Variants in RANGAP1 observed in about 807,000 individuals in gnomAD.
The protein encoded by RANGAP1 is ran GTPase-activating protein 1.
A neutral mutation model predicts 63.5 loss-of-function variants in RANGAP1; 38 were observed. The observed-to-expected ratio is 0.60, with a 90% CI of 0.46 to 0.78. The LOEUF is 0.78. Among genes scored for constraint, RANGAP1 ranks in the 30% least tolerant of loss-of-function variants. The pLI, the probability that RANGAP1 is intolerant of heterozygous loss-of-function variation, is 0.00. For missense variants in RANGAP1, 630 were observed against 740.3 expected (o/e 0.85, Z 1.73); for synonymous variants, 329 against 310.5 (o/e 1.06, Z -0.63).
At chr22:41,273,156 T>C (rs1202287893) in intron 3 of RANGAP1, among the ~76,000 whole-genome samples, 1 of 152,060 alleles carries the variant, frequency 6.6e-6, no homozygotes, top group Non-Finnish European at 1.5e-5. Flanking sequence ...AAATGGAGAC[T>C]CAACCCAGTC....
the RANGAP1 span, among the ~76,000 whole-genome samples, chr22:41,298,002 C>T: frequency 6.6e-6 from 1 of 151,972 alleles, no homozygotes; most frequent in African/African-American, 2.4e-5. Flanking sequence ...GGATCACAGG[C>T]GCCCGTGACC....
Position 41,261,588 on chromosome 22 carries a change from G to A in RANGAP1, c.481-8C>T. 6.2e-7 allele frequency: 1 copy of A among 1,614,174 alleles called. No homozygotes were observed. The highest frequency in any genetic ancestry group is 8.5e-7 in the Non-Finnish European group (1 of 1,180,040). On this transcript the variant is annotated splice_polypyrimidine_tract_variant and splice_region_variant and intron_variant, in intron 5 of 15. Transcript: ENST00000356244. ...CAGAGCTGCAGCCAGGATCTGTGGG[G>A]AAAGGCAAGGGGCCCTGGTCATGGG...
At chr22:41,266,149 CCGAGATCGTGCCACTGCA>C (rs931745383) in intron 4 of RANGAP1, among the ~76,000 whole-genome samples, 7 of 151,182 alleles carry the variant, frequency 4.6e-5, no homozygotes, top group African/African-American at 1.7e-4. Flanking sequence ...TTGCAGTGAG[CCGAGATCGTGCCACTGCA>C]CTCCAGCCTG....
chr22:41,290,146 A>G (rs2035820916), upstream of RANGAP1, among the ~76,000 whole-genome samples: 1 of 146,068 alleles, frequency 6.8e-6, no homozygotes, highest in Non-Finnish European at 1.5e-5. Flanking sequence ...CCTGTCTCAA[A>G]GAAAAAAAAA....
At chr22:41,286,850 C>G (rs1322305108), upstream of RANGAP1, among the ~76,000 whole-genome samples, 2 of 152,146 alleles carry the variant, frequency 1.3e-5, no homozygotes. Flanking sequence ...TAATGCATGA[C>G]CTTAGTCTAA....
chr22:41,285,395 TA>T (rs2035701608), intron 1 of RANGAP1: 15 of 651,402 alleles, frequency 2.3e-5, no homozygotes, highest in Non-Finnish European at 2.9e-5. Flanking sequence ...CACAGAAACG[TA>T]AATTGATTTG....
the RANGAP1 span, chr22:41,301,881 G>A: frequency 6.6e-6 from 1 of 151,970 alleles, no homozygotes; most frequent in East Asian, 2.0e-4. Flanking sequence ...CAGGGCTGGG[G>A]AAGAGGCGAA....
intron 12 of RANGAP1, 93 bp downstream of exon 12, chr22:41,252,779 G>A (rs565410025): frequency 8.1e-5 from 110 of 1,351,046 alleles, no homozygotes; most frequent in African/African-American, 5.3e-4. Flanking sequence ...TGACAGCGTC[G>A]CACCCCCAGG....
chr22:41,263,888 C>T (rs886110165), intron 5 of RANGAP1, among the ~76,000 whole-genome samples: 2 of 152,268 alleles, frequency 1.3e-5, no homozygotes, highest in Non-Finnish European at 2.9e-5. Context: ...ATGTGATCCA[C>T]TCCACCCCAT....
chr22:41,258,003 A>G lies in RANGAP1; in HGVS notation c.719T>C (p.Val240Ala). The G allele has an allele frequency of 6.2e-7, 1 of 1,612,972 alleles. No individual in the cohort carries two copies. The highest frequency in any genetic ancestry group is 1.7e-5 in the Admixed American group (1 of 59,908). ...GAAGGTGTTGTCATTCAGGTTGATG[A>G]CCCGCAGCAGGGGGTTGACAGCGAA... ...QAFAVNPLLR[V>A]INLNDNTFTE... The change falls in exon 7 of 16, where the codon GTC (valine) becomes GCC (alanine). Residue 240 changes from valine (V) to alanine (A), a missense_variant. Coordinates refer to ENST00000356244, the MANE Select transcript of RANGAP1 (RefSeq NM_002883.4).
chr22:41,287,383 T>TG (rs67630029), upstream of RANGAP1, among the ~76,000 whole-genome samples: 50,040 of 139,084 alleles, frequency 0.36, 7,650 homozygotes, highest in Middle Eastern at 0.41. Flanking sequence ...TTTTTTTTTG[T>TG]TTTTTTTTTT....
chr22:41,296,894 G>A, the RANGAP1 span, among the ~76,000 whole-genome samples: 1 of 152,082 alleles, frequency 6.6e-6, no homozygotes, highest in Admixed American at 6.6e-5. Context: ...GATGGTTCAG[G>A]TCAAATCCAA....
intron 3 of RANGAP1, among the ~76,000 whole-genome samples, chr22:41,269,837 T>C (rs1238787844): frequency 1.3e-5 from 2 of 152,046 alleles, no homozygotes; most frequent in African/African-American, 4.8e-5. Context: ...CCTTATTTAA[T>C]TTATTTATTT....
intron 6 of RANGAP1, among the ~76,000 whole-genome samples, chr22:41,259,774 G>T (rs1037157698): frequency 6.6e-6 from 1 of 152,196 alleles, no homozygotes. Context: ...AGGCCAAGGC[G>T]AGTGGATTAC....
chr22:41,247,737 C>T (rs532506852), intron 15 of RANGAP1, among the ~76,000 whole-genome samples: 5 of 152,344 alleles, frequency 3.3e-5, no homozygotes, highest in South Asian at 2.1e-4. Context: ...AAGTGCGGGA[C>T]GCAGCCAGGA....
chr22:41,265,712 G>A (rs1249399381), intron 4 of RANGAP1, among the ~76,000 whole-genome samples: 1 of 152,174 alleles, frequency 6.6e-6, no homozygotes, highest in African/African-American at 2.4e-5. Context: ...AGGAGAAATG[G>A]TCAGAGAGGA....
At position 41,277,238 on chromosome 22, in the gene RANGAP1, C is replaced by T. The variant is rs969315603; in HGVS notation, c.113-2511G>A. On this transcript the variant is annotated intron_variant, in intron 2 of 15. Coordinates refer to ENST00000356244, the MANE Select transcript of RANGAP1 (RefSeq NM_002883.4). ...GACTACAGGCGCCCGCCACTACGCCCGGCTAATTTTTTGTAGTTTTTAGTA... is the reference window on the plus strand; with the variant it reads ...GACTACAGGCGCCCGCCACTACGCCTGGCTAATTTTTTGTAGTTTTTAGTA... Among the ~76,000 whole-genome samples the T allele has an allele frequency of 2.6e-5, 4 of 151,500 alleles. No individual in the cohort carries two copies. In the East Asian group the frequency reaches 6.0e-4, roughly 23 times the overall value.
chr22:41,271,136 T>C (rs1215345342), intron 3 of RANGAP1, among the ~76,000 whole-genome samples: 3 of 151,846 alleles, frequency 2.0e-5, no homozygotes, highest in Non-Finnish European at 4.4e-5. Context: ...ACGCCGATAA[T>C]TCCAGCACTT....
chr22:41,250,323 C>G (rs985332958), intron 13 of RANGAP1, among the ~76,000 whole-genome samples: 1 of 152,254 alleles, frequency 6.6e-6, no homozygotes, highest in African/African-American at 2.4e-5. Context: ...CCGCCCTCCC[C>G]GCTTCGACGC....
Sources: allele counts gnomAD v4.1 joint callset (sites outside exome capture counted in the v4.1 genomes callset), GRCh38; gene constraint gnomAD v4.1.1; transcripts MANE v1.5; gene names NCBI Gene and HGNC (gene_info 2026-07-23, HGNC 2026-07-21).